Variants in TBXAS1 observed in about 807,000 individuals in gnomAD.
TBXAS1 encodes thromboxane-A synthase.
In TBXAS1, 48 loss-of-function variants were observed where a neutral mutation model predicts 60.7. The observed-to-expected ratio is 0.79, with a 90% confidence interval of 0.63 to 1.01. The LOEUF is 1.01. Among genes scored for constraint, TBXAS1 ranks in the 50% least tolerant of loss-of-function variants. TBXAS1 has a pLI of 0.00. For missense variants in TBXAS1, 685 were observed against 686.3 expected (o/e 1.00, Z 0.02); for synonymous variants, 287 against 269.7 (o/e 1.06, Z -0.63).
chr7:139,979,755 AAT>A (rs753298220), intron 9 of TBXAS1, among the ~76,000 whole-genome samples: 1 of 148,300 alleles, frequency 6.7e-6, no homozygotes, highest in Non-Finnish European at 1.5e-5. Flanking sequence ...TAATAATAAT[AAT>A]AATAATAATA....
chr7:139,923,383 C>T (rs377297478), intron 4 of TBXAS1, among the ~76,000 whole-genome samples: 2 of 152,060 alleles, frequency 1.3e-5, no homozygotes, highest in African/African-American at 2.4e-5. Flanking sequence ...TATAAATTCT[C>T]GTGGTTATTC....
chr7:139,904,169 A>G (rs2117008521), intron 3 of TBXAS1, among the ~76,000 whole-genome samples: 1 of 152,134 alleles, frequency 6.6e-6, no homozygotes, highest in East Asian at 1.9e-4. Context: ...ACATGTGGCT[A>G]GCCAATTATC....
intron 9 of TBXAS1, among the ~76,000 whole-genome samples, chr7:139,970,621 T>C (rs980637292): frequency 6.6e-6 from 1 of 152,200 alleles, no homozygotes. Flanking sequence ...TCCTGATTAT[T>C]CCATAATCAT....
At chr7:140,012,001 T>G (rs1042804150) in intron 10 of TBXAS1, among the ~76,000 whole-genome samples, 2 of 152,250 alleles carry the variant, frequency 1.3e-5, no homozygotes, top group Non-Finnish European at 2.9e-5. Context: ...TCATGTCCTG[T>G]GTTAAGGACT....
upstream of TBXAS1, among the ~76,000 whole-genome samples, chr7:139,825,423 G>A (rs375149691): frequency 3.8e-4 from 58 of 152,218 alleles, no homozygotes; most frequent in African/African-American, 9.6e-4. Flanking sequence ...GTGTGGTAAC[G>A]TCTCCATGGC....
At chr7:139,821,895 T>C (rs980514116) in intron 4 of TBXAS1, among the ~76,000 whole-genome samples, 3 of 152,226 alleles carry the variant, frequency 2.0e-5, no homozygotes, top group Non-Finnish European at 2.9e-5. Context: ...TCCCTTGGTC[T>C]TTCTGTGGCA....
intron 5 of TBXAS1, among the ~76,000 whole-genome samples, chr7:139,939,558 T>A (rs1245912208): frequency 6.6e-6 from 1 of 151,860 alleles, no homozygotes; most frequent in Non-Finnish European, 1.5e-5. Flanking sequence ...AGAAGTTAAC[T>A]TTTTCCCCAC....
At chr7:139,797,455 GT>G (rs1295696485) in intron 4 of TBXAS1, 1 of 152,174 alleles carries the variant, frequency 6.6e-6, no homozygotes, top group Non-Finnish European at 1.5e-5. Flanking sequence ...GTAACATCTT[GT>G]TTGGTTATTA....
In TBXAS1 at chr7:139,986,322, G is replaced by A. The variant is rs143566355; in HGVS notation, c.1135-20769G>A. Among the ~76,000 whole-genome samples, 135 of 152,290 alleles carry A rather than the reference G, an allele frequency of 8.9e-4. 1 individual carries two copies. The East Asian group carries it at 0.02, about 22-fold the overall frequency. On this transcript the variant is annotated intron_variant, in intron 9 of 12. Transcript: ENST00000448866. ...TAGGGCCACACAGCTGAGAAGTGGT[G>A]AAGCATAAATTGAAACTTGGGCAGT... is the stretch of plus-strand genomic sequence containing the variant.
At chr7:139,973,896 C>T (rs1811388192) in intron 9 of TBXAS1, among the ~76,000 whole-genome samples, 1 of 152,112 alleles carries the variant, frequency 6.6e-6, no homozygotes, top group African/African-American at 2.4e-5. Context: ...CCACTGGCCT[C>T]CCCCTGCTGG....
chr7:139,798,628 T>C (rs977725847), intron 4 of TBXAS1, among the ~76,000 whole-genome samples: 1 of 152,158 alleles, frequency 6.6e-6, no homozygotes, highest in Non-Finnish European at 1.5e-5. Context: ...GAACATTTGC[T>C]CCCAAACCAT....
chr7:139,907,394 T>G (rs371731589), intron 3 of TBXAS1, among the ~76,000 whole-genome samples: 2 of 152,202 alleles, frequency 1.3e-5, no homozygotes, highest in South Asian at 2.1e-4. Context: ...TTTTGATATA[T>G]AAGTCTTTTT....
chr7:139,969,104 C>G (rs1811007530), intron 9 of TBXAS1, among the ~76,000 whole-genome samples: 1 of 152,192 alleles, frequency 6.6e-6, no homozygotes, highest in African/African-American at 2.4e-5. Context: ...ATTTATGACC[C>G]ATTTTCCTTC....
chr7:139,868,652 ATTTT>A (rs71170918), intron 1 of TBXAS1, among the ~76,000 whole-genome samples: 3 of 105,042 alleles, frequency 2.9e-5, no homozygotes, highest in Admixed American at 2.0e-4. Flanking sequence ...CCTGGCTAAT[ATTTT>A]TTTTTTTTTT....
At chr7:139,820,790 G>C (rs73478023) in intron 4 of TBXAS1, among the ~76,000 whole-genome samples, 2 of 151,910 alleles carry the variant, frequency 1.3e-5, no homozygotes, top group Admixed American at 1.3e-4. Context: ...TTCTTCATGC[G>C]CACCCAGCAC....
In TBXAS1 at chr7:140,015,828, C is replaced by A; in HGVS notation, c.1332C>A (p.His444Gln). Reference protein sequence around the residue: ...AVGALHHDPEHWPSPETFNPE... With the variant: ...AVGALHHDPEQWPSPETFNPE... ...GTGCCCTGCACCATGACCCTGAGCA[C>A]TGGCCAAGCCCGGAGACCTTCAACC... The change falls in exon 11 of 13, where the codon CAC becomes CAA. Residue 444 changes from histidine to glutamine, a missense_variant. His to Gln is a conservative substitution (Grantham distance 24). Transcript: ENST00000448866. 6.2e-7 allele frequency: 1 copy of A among 1,613,870 alleles called. No individual in the cohort carries two copies. The highest frequency in any genetic ancestry group is 8.5e-7 in the Non-Finnish European group (1 of 1,180,048).
intron 4 of TBXAS1, among the ~76,000 whole-genome samples, chr7:139,819,380 A>G (rs1798233503): frequency 6.6e-6 from 1 of 152,214 alleles, no homozygotes. Context: ...CCTACTGAAC[A>G]CACACATTTG....
At chr7:139,938,224 G>A (rs993776640) in intron 5 of TBXAS1, among the ~76,000 whole-genome samples, 2 of 152,188 alleles carry the variant, frequency 1.3e-5, no homozygotes, top group Admixed American at 1.3e-4. Context: ...GCAGGAGATG[G>A]AGAGTGACTT....
chr7:139,978,376 G>A (rs1331470339), intron 9 of TBXAS1, among the ~76,000 whole-genome samples: 1 of 151,826 alleles, frequency 6.6e-6, no homozygotes, highest in Non-Finnish European at 1.5e-5. Flanking sequence ...CGGGCATGGT[G>A]GTGCACACCT....
Sources: allele counts gnomAD v4.1 joint callset (sites outside exome capture counted in the v4.1 genomes callset), GRCh38; gene constraint gnomAD v4.1.1; transcripts MANE v1.5; gene names NCBI Gene and HGNC (gene_info 2026-07-23, HGNC 2026-07-21).